Variants in RABGAP1L observed in about 807,000 individuals in gnomAD.
RABGAP1L encodes the protein rab GTPase-activating protein 1-like.
A neutral mutation model predicts 137.7 loss-of-function variants in RABGAP1L; 63 were observed. The observed-to-expected ratio is 0.46, with a 90% CI of 0.37 to 0.56. The LOEUF (loss-of-function observed/expected upper bound fraction) is 0.56, where lower values mean the gene tolerates loss of function less well. Among genes scored for constraint, RABGAP1L ranks in the 20% least tolerant of loss-of-function variants. The pLI is 0.00. For synonymous variants in RABGAP1L, 431 were observed against 433.7 expected (o/e 0.99, Z 0.08); for missense variants, 1,095 against 1,244.0 (o/e 0.88, Z 1.80).
intron 19 of RABGAP1L, among the ~76,000 whole-genome samples, chr1:174,869,765 G>C (rs1651887169): frequency 6.6e-6 from 1 of 152,106 alleles, no homozygotes; most frequent in South Asian, 2.1e-4. Context: ...TGCGGGTTAA[G>C]TTCTCTTGAA....
chr1:174,696,631 T>C (rs1679282135), intron 15 of RABGAP1L, among the ~76,000 whole-genome samples: 1 of 152,166 alleles, frequency 6.6e-6, no homozygotes, highest in African/African-American at 2.4e-5. Flanking sequence ...TTCTGCCCTG[T>C]GTTGTGTTCT....
chr1:174,952,727 C>T (rs1463124022), intron 19 of RABGAP1L, among the ~76,000 whole-genome samples: 81 of 152,076 alleles, frequency 5.3e-4, no homozygotes, highest in Middle Eastern at 3.4e-3. Flanking sequence ...GTAGCTGGGT[C>T]TACAGGCATG....
chr1:174,331,801 A>G (rs904019303), intron 11 of RABGAP1L, among the ~76,000 whole-genome samples: 8 of 150,380 alleles, frequency 5.3e-5, no homozygotes, highest in African/African-American at 1.2e-4. Flanking sequence ...AGCATTAGGT[A>G]TATCTCCTAA....
chr1:174,572,776 A>G (rs1668079315), intron 13 of RABGAP1L, among the ~76,000 whole-genome samples: 1 of 152,202 alleles, frequency 6.6e-6, no homozygotes, highest in African/African-American at 2.4e-5. Context: ...AAAAGGATGC[A>G]CTAAGTTGAA....
At chr1:174,631,467 T>G (rs1166187149) in intron 13 of RABGAP1L, among the ~76,000 whole-genome samples, 3 of 89,578 alleles carry the variant, frequency 3.3e-5, no homozygotes, top group Non-Finnish European at 5.9e-5. Context: ...TCTGTCTCAT[T>G]GATCTGTCTA....
At chr1:174,961,879 A>G (rs1669144850) in intron 20 of RABGAP1L, among the ~76,000 whole-genome samples, 1 of 126,754 alleles carries the variant, frequency 7.9e-6, no homozygotes, top group African/African-American at 3.0e-5. Flanking sequence ...AGAAACGACC[A>G]GGTGCAGCAG....
At position 174,701,691 on chromosome 1, in the gene RABGAP1L, C is replaced by A. The variant is rs565804389; in HGVS notation, c.2026-422C>A. ...CTGGGAGGCGGAGGTTGCAGTGAGCCAGGATCATGCCACTGTACTCCAGCC... is the reference window on the plus strand; with the variant it reads ...CTGGGAGGCGGAGGTTGCAGTGAGCAAGGATCATGCCACTGTACTCCAGCC... On this transcript the variant is annotated intron_variant, in intron 16 of 25. Coordinates refer to ENST00000681986, the MANE Select transcript of RABGAP1L (RefSeq NM_001366446.1). 1.7e-4 allele frequency among the ~76,000 whole-genome samples: 25 copies of A among 148,946 alleles called. No individual in the cohort carries two copies. In the South Asian group the frequency reaches 4.0e-3, roughly 24 times the overall value.
At chr1:174,181,048 A>G (rs950022953) in intron 1 of RABGAP1L, among the ~76,000 whole-genome samples, 2 of 152,220 alleles carry the variant, frequency 1.3e-5, no homozygotes, top group Non-Finnish European at 2.9e-5. Flanking sequence ...TATGGTTTAT[A>G]AGTGGCAGAA....
chr1:174,219,084 A>C lies in RABGAP1L; in HGVS notation c.-33-41A>C, dbSNP rs1443574910. The C allele has an allele frequency of 1.4e-6, 2 of 1,388,020 alleles. 1 individual carries two copies. The allele number at this position is 1,388,020 out of a possible 1,614,324, so 86.0% of individuals were successfully genotyped here. A position where few individuals can be genotyped will look rare whatever the true frequency, so the allele number is the denominator to read the frequency against. On this transcript the variant is annotated intron_variant, in intron 1 of 25. Transcript: ENST00000681986. ...ATGTTTTTAATTAGTTCATGTTTTTAATCAGTAGGTTTTTTTTTTTAATCC... is the reference window on the plus strand; with the variant it reads ...ATGTTTTTAATTAGTTCATGTTTTTCATCAGTAGGTTTTTTTTTTTAATCC...
chr1:174,800,449 G>A, intron 18 of RABGAP1L: 2 of 1,550,972 alleles, frequency 1.3e-6, no homozygotes, highest in South Asian at 2.4e-5. Context: ...CGTGTCGAGT[G>A]CTGGAACTTC....
chr1:174,296,499 C>T (rs765898078), intron 10 of RABGAP1L, among the ~76,000 whole-genome samples: 19 of 152,168 alleles, frequency 1.2e-4, no homozygotes, highest in Non-Finnish European at 2.6e-4. Flanking sequence ...CTGCTTGTCG[C>T]CAACATTTAT....
At chr1:174,674,751 T>C (rs1201460887) in intron 14 of RABGAP1L, among the ~76,000 whole-genome samples, 2 of 152,016 alleles carry the variant, frequency 1.3e-5, no homozygotes, top group Non-Finnish European at 2.9e-5. Flanking sequence ...CAGCACCTGT[T>C]GTTTCCTAAC....
chr1:174,497,921 A>G (rs1558284893), intron 13 of RABGAP1L, among the ~76,000 whole-genome samples: 1 of 152,214 alleles, frequency 6.6e-6, no homozygotes, highest in Non-Finnish European at 1.5e-5. Context: ...ACTGTCTTCA[A>G]ATTAATTTTA....
At chr1:174,507,436 T>A (rs1374377132) in intron 13 of RABGAP1L, among the ~76,000 whole-genome samples, 3 of 152,098 alleles carry the variant, frequency 2.0e-5, no homozygotes, top group Non-Finnish European at 4.4e-5. Context: ...GTTAAAAAAA[T>A]ACCAGTACCT....
At chr1:174,445,793 T>C (rs1357328460) in intron 13 of RABGAP1L, among the ~76,000 whole-genome samples, 1 of 152,120 alleles carries the variant, frequency 6.6e-6, no homozygotes, top group Non-Finnish European at 1.5e-5. Flanking sequence ...TTTACAGGAG[T>C]ATGGCAGTTT....
intron 1 of RABGAP1L, among the ~76,000 whole-genome samples, chr1:174,197,641 A>T (rs925518776): frequency 6.6e-6 from 1 of 152,102 alleles, no homozygotes; most frequent in Non-Finnish European, 1.5e-5. Context: ...TGTACTAAAA[A>T]TACAAAAATT....
At chr1:174,834,209 C>T (rs1428067328) in intron 19 of RABGAP1L, among the ~76,000 whole-genome samples, 1 of 151,966 alleles carries the variant, frequency 6.6e-6, no homozygotes, top group Non-Finnish European at 1.5e-5. Context: ...GGAAGATCAC[C>T]TGAGGTTGGG....
chr1:174,610,152 C>G (rs1406870199), intron 13 of RABGAP1L, among the ~76,000 whole-genome samples: 2 of 149,714 alleles, frequency 1.3e-5, no homozygotes, highest in East Asian at 3.9e-4. Context: ...TGTGCTGCAC[C>G]CATTAACTCG....
chr1:174,781,248 T>C (rs1382404905), intron 18 of RABGAP1L, among the ~76,000 whole-genome samples: 1 of 152,208 alleles, frequency 6.6e-6, no homozygotes, highest in African/African-American at 2.4e-5. Flanking sequence ...CCTGACTTTT[T>C]AATGATCGCC....
Sources: gnomAD v4.1 joint callset for allele counts (sites outside exome capture counted in the v4.1 genomes callset) on GRCh38, gnomAD v4.1.1 for gene constraint, MANE v1.5 for transcripts, NCBI Gene and HGNC (gene_info 2026-07-23, HGNC 2026-07-21) for gene names.